DTNA: variants seen among roughly 807,000 people sequenced by gnomAD.
The protein encoded by DTNA is dystrophin-related protein 3.
Under a neutral mutation model 100.7 loss-of-function variants are expected in DTNA, and 43 were observed. That is an observed-to-expected ratio of 0.43 (90% CI 0.33 to 0.55). The LOEUF is 0.55. Among genes scored for constraint, DTNA ranks in the 20% least tolerant of loss-of-function variants. The pLI, the probability that DTNA is intolerant of heterozygous loss-of-function variation, is 0.04. For synonymous variants in DTNA, 349 were observed against 347.9 expected (o/e 1.00, Z -0.04); for missense variants, 798 against 953.9 (o/e 0.84, Z 2.15).
chr18:34,709,797 A>G (rs560599150), upstream of DTNA, among the ~76,000 whole-genome samples: 1 of 152,362 alleles, frequency 6.6e-6, no homozygotes, highest in South Asian at 2.1e-4. Flanking sequence ...TGTGATTAGA[A>G]GTTTGCTCTA....
chr18:34,822,733 G>A (rs150802123), intron 9 of DTNA, among the ~76,000 whole-genome samples: 128 of 152,254 alleles, frequency 8.4e-4, no homozygotes, highest in African/African-American at 2.6e-3. Flanking sequence ...TTTGACTTAC[G>A]GGGCAATATA....
At chr18:34,704,513 A>G (rs1031568637) in intron 1 of DTNA, among the ~76,000 whole-genome samples, 2 of 152,180 alleles carry the variant, frequency 1.3e-5, no homozygotes, top group South Asian at 2.1e-4. Context: ...CCTCCTTAAC[A>G]TTCTGCCTAA....
chr18:34,879,903 T>C (rs1228613050), intron 20 of DTNA, among the ~76,000 whole-genome samples, 184 bp downstream of exon 20: 1 of 152,178 alleles, frequency 6.6e-6, no homozygotes, highest in Non-Finnish European at 1.5e-5. Context: ...ATTTCCCCTC[T>C]TACAATTTCC....
intron 1 of DTNA, among the ~76,000 whole-genome samples, chr18:34,727,926 A>G (rs1264435563): frequency 2.6e-5 from 4 of 152,158 alleles, no homozygotes; most frequent in African/African-American, 4.8e-5. Context: ...AATGCCATCT[A>G]CTATCTAATC....
upstream of DTNA, among the ~76,000 whole-genome samples, chr18:34,706,471 AATATAAGT>A (rs2082134277): frequency 6.6e-6 from 1 of 152,128 alleles, no homozygotes; most frequent in South Asian, 2.1e-4. Flanking sequence ...ATACATTCAG[AATATAAGT>A]ATATAATTAT....
Position 34,510,396 on chromosome 18 carries a change from T to A in DTNA, c.-2+16882T>A, listed in dbSNP as rs193071178. Among the ~76,000 whole-genome samples the A allele has an allele frequency of 3.0e-4, 46 of 152,020 alleles. 1 individual carries two copies. The East Asian group carries it at 7.4e-3, about 24-fold the overall frequency. On this transcript the variant is annotated intron_variant, in intron 1 of 19. Transcript: ENST00000283365. Reference sequence around the variant, plus strand: ...AGATGTGCTCCTAGCATAGTGAAATTGAAAACATTTTGGTTCCTTGCGTGT... The same window carrying A: ...AGATGTGCTCCTAGCATAGTGAAATAGAAAACATTTTGGTTCCTTGCGTGT...
At chr18:34,678,953 A>G (rs1392590501) in intron 1 of DTNA, among the ~76,000 whole-genome samples, 1 of 152,136 alleles carries the variant, frequency 6.6e-6, no homozygotes, top group Non-Finnish European at 1.5e-5. Context: ...GTTGTAGTCC[A>G]CTCTTACAGG....
chr18:34,795,910 G>GAACGGT (rs2094948586), intron 4 of DTNA, among the ~76,000 whole-genome samples: 1 of 152,180 alleles, frequency 6.6e-6, no homozygotes, highest in Non-Finnish European at 1.5e-5. Flanking sequence ...ATAGAGCTAT[G>GAACGGT]AACGGTCTCT....
At chr18:34,817,869 T>C in intron 7 of DTNA, 1 of 1,104,478 alleles carries the variant, frequency 9.1e-7, no homozygotes, top group South Asian at 1.6e-5. Context: ...TTTGGCTAAT[T>C]TAAATTCTTG....
rs576390622 is a variant in DTNA at position 34,832,015 on chromosome 18, G to A, written c.1175+2526G>A. 5.9e-5 allele frequency among the ~76,000 whole-genome samples: 9 copies of A among 152,180 alleles called. No homozygotes were observed. The East Asian group carries it at 1.2e-3, about 20-fold the overall frequency. ...CCCAAAGATTCTTTACTTAACAACC[G>A]TGGCTTTTAATCTGACTCAAAAAGT... On this transcript the variant is annotated intron_variant, in intron 11 of 22. Coordinates refer to ENST00000444659, the MANE Select transcript of DTNA (RefSeq NM_001386795.1).
chr18:34,521,295 G>A (rs2042126000), intron 1 of DTNA, among the ~76,000 whole-genome samples: 1 of 152,004 alleles, frequency 6.6e-6, no homozygotes, highest in Admixed American at 6.6e-5. Context: ...ATATGTCCCA[G>A]TCTAACCCCT....
chr18:34,854,836 G>A (rs1420734650), intron 15 of DTNA, among the ~76,000 whole-genome samples: 1 of 152,194 alleles, frequency 6.6e-6, no homozygotes, highest in Non-Finnish European at 1.5e-5. Flanking sequence ...GGGTTGAAGT[G>A]AGAATAAGGA....
chr18:34,881,437 C>CTTTTTTTTTTTTTTTTTTTT (rs752828928), intron 20 of DTNA, among the ~76,000 whole-genome samples: 1 of 51,398 alleles, frequency 1.9e-5, no homozygotes, highest in Non-Finnish European at 3.5e-5. Context: ...AATTAAAATG[C>CTTTTTTTTTTTTTTTTTTTT]TTTTTTTTTT....
At chr18:34,567,288 GGTAA>G (rs2047170243) in intron 1 of DTNA, among the ~76,000 whole-genome samples, 1 of 151,854 alleles carries the variant, frequency 6.6e-6, no homozygotes, top group African/African-American at 2.4e-5. Flanking sequence ...CTGAGATTAT[GGTAA>G]GTATGTTTAT....
At chr18:34,881,437 CT>C (rs752828928) in intron 20 of DTNA, among the ~76,000 whole-genome samples, 1,838 of 51,276 alleles carry the variant, frequency 0.036, 6 homozygotes, top group African/African-American at 0.13. Context: ...AATTAAAATG[CT>C]TTTTTTTTTT....
chr18:34,502,012 G>A (rs967748427), intron 1 of DTNA, among the ~76,000 whole-genome samples: 11 of 152,128 alleles, frequency 7.2e-5, no homozygotes, highest in Non-Finnish European at 1.0e-4. Flanking sequence ...ATAGAGTCAC[G>A]TTTTGAGTTC....
intron 21 of DTNA, among the ~76,000 whole-genome samples, chr18:34,883,293 CT>C (rs1417189333): frequency 1.3e-5 from 2 of 151,726 alleles, no homozygotes; most frequent in Non-Finnish European, 2.9e-5. Flanking sequence ...TCTGCACATT[CT>C]TTTGTTTTTC....
Position 34,877,814 on chromosome 18 carries a change from T to C in DTNA, c.1993+6T>C, listed in dbSNP as rs2096832956. 6.2e-7 allele frequency: 1 copy of C among 1,612,546 alleles called. No individual in the cohort carries two copies. The highest frequency in any genetic ancestry group is 1.7e-5 in the Admixed American group (1 of 59,988). On this transcript the variant is annotated splice_donor_region_variant and intron_variant, in intron 19 of 22. Transcript: ENST00000444659. The stretch of plus-strand genomic sequence containing the variant: ...TGTGAAAGAGCTGAATTCTGGTGAG[T>C]TCCTGATTCCCTCTCATTTGTCTGC...
chr18:34,891,377 A>T lies in DTNA; in HGVS notation c.*3643A>T, dbSNP rs2096963715. The stretch of plus-strand genomic sequence containing the variant: ...TATTTTGGAGTGGAATAATTTCTTC[A>T]TTAAAAAATGTTTTTAAAAACACTA... On this transcript the variant is annotated 3_prime_UTR_variant, in exon 23 of 23. Transcript: ENST00000444659. 1 of 152,540 alleles carries T rather than the reference A, an allele frequency of 6.6e-6. No homozygotes were observed. Among genetic ancestry groups the T allele is most frequent in the African/African-American group, 2.4e-5 (1 of 41,418 alleles). The allele number at this position is 152,540 out of a possible 1,614,324, so 9.4% of individuals were successfully genotyped here.
Sources: gnomAD v4.1 joint callset for allele counts (sites outside exome capture counted in the v4.1 genomes callset) on GRCh38, gnomAD v4.1.1 for gene constraint, MANE v1.5 for transcripts, NCBI Gene and HGNC (gene_info 2026-07-23, HGNC 2026-07-21) for gene names.